Variants in TRPM2 observed in about 807,000 individuals in gnomAD.
The protein encoded by TRPM2 is transient receptor potential cation channel subfamily M member 2, also known as estrogen-responsive element-associated gene 1 protein.
TRPM2 carries 161 observed loss-of-function variants against 174.0 expected under a neutral mutation model. The ratio of observed to expected loss-of-function variants is 0.93; its 90% confidence interval spans 0.81 to 1.05. The LOEUF is 1.05. Among genes scored for constraint, TRPM2 ranks in the 50% least tolerant of loss-of-function variants. The pLI is 0.00. For missense variants in TRPM2, 2,057 were observed against 2,038.0 expected, an observed-to-expected ratio of 1.01 and a Z score of -0.18; for synonymous variants, 954 against 861.3, an observed-to-expected ratio of 1.11 and a Z score of -1.88.
At chr21:44,381,343 G>T (rs983173376) in intron 8 of TRPM2, among the ~76,000 whole-genome samples, 1 of 151,992 alleles carries the variant, frequency 6.6e-6, no homozygotes, top group Admixed American at 6.6e-5. Context: ...CTTCAAGGAG[G>T]AGTAACTGTA....
intron 21 of TRPM2, 78 bp from the exon 22 acceptor site, chr21:44,418,344 GC>G (rs901342296): frequency 2.6e-5 from 40 of 1,565,146 alleles, no homozygotes; most frequent in African/African-American, 2.3e-4. Context: ...CTCCCACGGG[GC>G]CCCCCCGGTG....
chr21:44,380,137 C>T (rs1056642000), intron 8 of TRPM2, among the ~76,000 whole-genome samples: 7 of 152,172 alleles, frequency 4.6e-5, no homozygotes, highest in African/African-American at 1.4e-4. Context: ...GTCTTGGCCC[C>T]GTTGGCCGAT....
chr21:44,442,117 G>T lies in TRPM2; in HGVS notation c.*300G>T. On this transcript the variant is annotated 3_prime_UTR_variant, in exon 32 of 32. Transcript: ENST00000397928. ...CTGGGCCTGTGCAGCTGGGCCCTTGGCCAGAGTCCACTCCCTTCCTGGCTG... is the reference window on the plus strand; with the variant it reads ...CTGGGCCTGTGCAGCTGGGCCCTTGTCCAGAGTCCACTCCCTTCCTGGCTG... 3.3e-6 allele frequency: 1 copy of T among 305,106 alleles called. No homozygotes were observed. The allele number at this position is 305,106 out of a possible 1,614,324, so 18.9% of individuals were successfully genotyped here. A position where few individuals can be genotyped will look rare whatever the true frequency, so the allele number is the denominator to read the frequency against.
chr21:44,418,151 G>A (rs376028763), intron 21 of TRPM2, 43 bp downstream of exon 21: 123 of 1,576,328 alleles, frequency 7.8e-5, no homozygotes, highest in Admixed American at 2.4e-4. Context: ...CTGGCCACCC[G>A]GGTGCAGAGG....
chr21:44,390,211 C>A (rs2049131616), intron 9 of TRPM2, among the ~76,000 whole-genome samples: 1 of 152,126 alleles, frequency 6.6e-6, no homozygotes, highest in South Asian at 2.1e-4. Flanking sequence ...TTCTTTGTGT[C>A]ATAGCTAAGA....
intron 22 of TRPM2, among the ~76,000 whole-genome samples, chr21:44,421,825 C>T (rs1014793600): frequency 2.0e-5 from 3 of 152,146 alleles, no homozygotes; most frequent in Non-Finnish European, 2.9e-5. Context: ...GTCCCAGCTG[C>T]TCAGGAGGCT....
At chr21:44,380,927 C>T (rs542836964) in intron 8 of TRPM2, among the ~76,000 whole-genome samples, 6 of 151,750 alleles carry the variant, frequency 4.0e-5, no homozygotes, top group East Asian at 3.9e-4. Context: ...GAGGACAGGG[C>T]GGGCTGAAGT....
intron 5 of TRPM2, among the ~76,000 whole-genome samples, chr21:44,371,910 A>G (rs1417132033): frequency 6.6e-6 from 1 of 152,062 alleles, no homozygotes; most frequent in Non-Finnish European, 1.5e-5. Flanking sequence ...AGATGGGCGG[A>G]TCACTTGAGG....
intron 9 of TRPM2, among the ~76,000 whole-genome samples, chr21:44,387,177 C>A (rs1179997994): frequency 6.6e-6 from 1 of 152,048 alleles, no homozygotes; most frequent in Non-Finnish European, 1.5e-5. Context: ...CAGAGCAAGA[C>A]CCTGTCTCAA....
At chr21:44,379,320 C>A in intron 8 of TRPM2, 123 bp downstream of exon 8, 1 of 1,186,190 alleles carries the variant, frequency 8.4e-7, no homozygotes, top group Non-Finnish European at 1.2e-6. Flanking sequence ...GAGTGGGTGC[C>A]AGAGCGATTT....
At chr21:44,420,594 C>A (rs896144219) in intron 22 of TRPM2, among the ~76,000 whole-genome samples, 39 of 152,196 alleles carry the variant, frequency 2.6e-4, no homozygotes, top group African/African-American at 8.9e-4. Context: ...CCCTGACAAC[C>A]TTCTCTTACT....
At chr21:44,441,562 G>T in intron 31 of TRPM2, 130 bp from the exon 32 acceptor site, 1 of 1,261,904 alleles carries the variant, frequency 7.9e-7, no homozygotes, top group Non-Finnish European at 1.0e-6. Flanking sequence ...CAGGGGTCCT[G>T]CCTCCCATTT....
intron 22 of TRPM2, chr21:44,423,362 C>T: frequency 2.3e-6 from 1 of 439,422 alleles, no homozygotes; most frequent in Non-Finnish European, 4.2e-6. Flanking sequence ...CTGGCCCTCC[C>T]TCAGTTCACT....
At position 44,377,734 on chromosome 21, in the gene TRPM2, C is replaced by T. The variant is rs767415235; in HGVS notation, c.975C>T (p.Ile325=). 1.4e-5 allele frequency: 23 copies of T among 1,614,072 alleles called. No individual in the cohort carries two copies. The Admixed American group carries it at 1.7e-4, about 12-fold the overall frequency. Reference sequence around the variant, plus strand: ...TAGGTGTGGCCATCAAGATCCCCATCGTGTGCGTGGTGCTGGAGGGCGGCC... The same window carrying T: ...TAGGTGTGGCCATCAAGATCCCCATTGTGTGCGTGGTGCTGGAGGGCGGCC... ...ERGGVAIKIP[I]VCVVLEGGPG... The change falls in exon 7 of 32, where the codon ATC becomes ATT. Residue 325 remains isoleucine (I), a synonymous_variant. Transcript: ENST00000397928.
chr21:44,397,829 C>T lies in TRPM2; in HGVS notation c.2015C>T (p.Ser672Leu), dbSNP rs760864198. 1.6e-5 allele frequency: 26 copies of T among 1,607,664 alleles called. No individual in the cohort carries two copies. The highest frequency in any genetic ancestry group is 1.1e-4 in the East Asian group (5 of 44,706). The change falls in exon 13 of 32, where the codon TCG becomes TTG. Residue 672 changes from serine to leucine, a missense_variant. By Grantham distance (145) the Ser-to-Leu change is moderately radical. Transcript: ENST00000397928. The stretch of plus-strand genomic sequence containing the variant: ...AAGGAGGAGGAGGACACGGACAGCT[C>T]GGAGGAGATGCTGGCGCTGGCGGAG... ...LSKEEEDTDS[S>L]EEMLALAEEY...
intron 27 of TRPM2, among the ~76,000 whole-genome samples, chr21:44,428,115 C>G (rs1232808230): frequency 6.6e-6 from 1 of 152,122 alleles, no homozygotes; most frequent in Non-Finnish European, 1.5e-5. Context: ...CTGTATGCAC[C>G]ATGCTTCTGT....
chr21:44,391,446 G>T lies in TRPM2; in HGVS notation c.1615G>T (p.Val539Leu). ...CCTGTTCCACAGCAAGCTGCAGAAGGTGCTGGTGGAGGATCCCGAGCGCCC... is the reference window on the plus strand; with the variant it reads ...CCTGTTCCACAGCAAGCTGCAGAAGTTGCTGGTGGAGGATCCCGAGCGCCC... ...SCLFHSKLQK[V>L]LVEDPERPAC... Residue 539 changes from valine to leucine, a missense_variant, in exon 11 of 32, where the codon GTG (valine) becomes TTG (leucine). Transcript: ENST00000397928. This position sits in a 1 kb window ranked among gnomAD's most constrained non-coding sequence, Gnocchi z 5.0. 6.2e-7 allele frequency: 1 copy of T among 1,613,862 alleles called. No homozygotes were observed.
chr21:44,394,697 A>G (rs2049288538), intron 11 of TRPM2, among the ~76,000 whole-genome samples: 1 of 152,126 alleles, frequency 6.6e-6, no homozygotes, highest in Non-Finnish European at 1.5e-5. Context: ...CAGTTGGAAT[A>G]TGCTTAGGAA....
chr21:44,440,960 CGTGGCCTCCGGGG>C, intron 31 of TRPM2, 55 bp downstream of exon 31: 1 of 1,508,016 alleles, frequency 6.6e-7, no homozygotes, highest in Non-Finnish European at 9.2e-7. Context: ...CGGGTATGGG[CGTGGCCTCCGGGG>C]AGGGGGTTGG....
Sources: gnomAD v4.1 joint callset for allele counts (sites outside exome capture counted in the v4.1 genomes callset) on GRCh38, gnomAD v4.1.1 for gene constraint, Gnocchi (gnomAD v3.1) non-coding constraint, MANE v1.5 for transcripts, NCBI Gene and HGNC (gene_info 2026-07-23, HGNC 2026-07-21) for gene names.